SORCS2: variants seen among roughly 807,000 people sequenced by gnomAD.
SORCS2 encodes the protein sortilin related VPS10 domain containing receptor 2, also known as VPS10 domain-containing receptor SorCS2.
In SORCS2, 100 loss-of-function variants were observed where a neutral mutation model predicts 141.6. That is an observed-to-expected ratio of 0.71 (90% CI 0.60 to 0.83). The LOEUF is 0.83. Ranked by LOEUF, SORCS2 falls within the 40% of genes least tolerant of loss-of-function variation. The pLI is 0.00. For missense variants in SORCS2, 1,646 were observed against 1,560.2 expected, an observed-to-expected ratio of 1.05 and a Z score of -0.93; for synonymous variants, 789 against 676.9, an observed-to-expected ratio of 1.17 and a Z score of -2.57.
In SORCS2 at chr4:7,451,548, C is replaced by A. The variant is rs1371265131; in HGVS notation, c.548+55193C>A. Among the ~76,000 whole-genome samples, 6 of 152,386 alleles carry A rather than the reference C, an allele frequency of 3.9e-5. No individual in the cohort carries two copies. In the East Asian group the frequency reaches 1.2e-3, roughly 29 times the overall value. ...GTTCAGTGGTGACATGGGGGACCAG[C>A]CTTCCACACACCTGACATGCCCCCA... On this transcript the variant is annotated intron_variant, in intron 2 of 26. Transcript: ENST00000507866.
intron 1 of SORCS2, among the ~76,000 whole-genome samples, chr4:7,208,483 G>A (rs957896771): frequency 1.3e-5 from 2 of 152,194 alleles, no homozygotes; most frequent in African/African-American, 2.4e-5. Context: ...CTGTGTGCCA[G>A]ACTGTGTGCT....
chr4:7,356,028 T>G (rs1487447285), intron 1 of SORCS2, among the ~76,000 whole-genome samples: 1 of 152,188 alleles, frequency 6.6e-6, no homozygotes, highest in Non-Finnish European at 1.5e-5. Flanking sequence ...CTTTGAGATG[T>G]CCACGCTTGT....
chr4:7,571,753 G>A (rs1715410414), intron 3 of SORCS2, among the ~76,000 whole-genome samples: 2 of 152,184 alleles, frequency 1.3e-5, no homozygotes, highest in South Asian at 4.1e-4. Flanking sequence ...CAAAGCCTCA[G>A]CACCAAGCGA....
At chr4:7,507,032 G>A (rs948216927) in intron 2 of SORCS2, among the ~76,000 whole-genome samples, 1 of 152,236 alleles carries the variant, frequency 6.6e-6, no homozygotes, top group African/African-American at 2.4e-5. Context: ...ACTGTGATCA[G>A]TGGCAGGAGG....
chr4:7,452,200 G>T (rs1460097102), intron 2 of SORCS2, among the ~76,000 whole-genome samples: 5 of 151,984 alleles, frequency 3.3e-5, no homozygotes, highest in Admixed American at 6.5e-5. Flanking sequence ...GAGTGCAGTG[G>T]CACGATCTTG....
At chr4:7,451,732 C>A (rs73796589) in intron 2 of SORCS2, among the ~76,000 whole-genome samples, 5,620 of 152,312 alleles carry the variant, frequency 0.037, 371 homozygotes, top group African/African-American at 0.13. Flanking sequence ...GTGTTCAGAG[C>A]AGGAGTGTGC....
intron 2 of SORCS2, among the ~76,000 whole-genome samples, chr4:7,416,007 T>A (rs1414516745): frequency 1.3e-5 from 2 of 152,148 alleles, no homozygotes; most frequent in African/African-American, 4.8e-5. Context: ...CACAGAGGCA[T>A]GTAGCAGCCT....
intron 3 of SORCS2, among the ~76,000 whole-genome samples, chr4:7,563,309 T>A (rs1160566150): frequency 2.0e-5 from 3 of 152,162 alleles, no homozygotes; most frequent in Non-Finnish European, 4.4e-5. Flanking sequence ...GTGTAGCAGA[T>A]AACATCACCA....
intron 1 of SORCS2, among the ~76,000 whole-genome samples, chr4:7,364,910 C>T (rs190544164): frequency 1.4e-4 from 22 of 152,310 alleles, no homozygotes; most frequent in African/African-American, 4.1e-4. Context: ...GCTAGCCTAC[C>T]GGGGTTCAGG....
rs1207470189 is a variant in SORCS2, at chr4:7,454,824, G to A, written c.548+58469G>A. On this transcript the variant is annotated intron_variant, in intron 2 of 26. Transcript: ENST00000507866. ...GTGTTGGGGTCAGGCACTGTGTTGG[G>A]GTCTGGTGCTGTGTGTTGGGGTCAG... Among the ~76,000 whole-genome samples, 5 of 138,606 alleles carry A rather than the reference G, an allele frequency of 3.6e-5. 1 individual carries two copies. The highest frequency in any genetic ancestry group is 1.4e-4 in the African/African-American group (5 of 36,340). 90.9% of individuals were successfully genotyped at this position (138,606 alleles called of 152,430 possible). A position where few individuals can be genotyped will look rare whatever the true frequency, so the allele number is the denominator to read the frequency against.
chr4:7,323,006 G>T (rs1449343110), intron 1 of SORCS2, among the ~76,000 whole-genome samples: 3 of 152,028 alleles, frequency 2.0e-5, no homozygotes, highest in Non-Finnish European at 2.9e-5. Context: ...AGTAGCTCTA[G>T]TTCCCAGTTC....
chr4:7,731,009 C>T (rs34113441), intron 23 of SORCS2, among the ~76,000 whole-genome samples: 5,413 of 152,318 alleles, frequency 0.036, 144 homozygotes, highest in Non-Finnish European at 0.056. Flanking sequence ...AGCATGCCCA[C>T]GTGGTGCCAC....
At chr4:7,379,152 C>T (rs1445785823) in intron 1 of SORCS2, among the ~76,000 whole-genome samples, 2 of 152,180 alleles carry the variant, frequency 1.3e-5, no homozygotes, top group Admixed American at 1.3e-4. Flanking sequence ...GAGGGAGGCA[C>T]ATCCGAGTAT....
intron 1 of SORCS2, among the ~76,000 whole-genome samples, chr4:7,227,487 T>C (rs1729058282): frequency 6.6e-6 from 1 of 152,134 alleles, no homozygotes. Flanking sequence ...AGCCTGCAGG[T>C]TGTGATCCTG....
At chr4:7,715,097 C>G in intron 16 of SORCS2, 86 bp from the exon 17 acceptor site, 1 of 1,567,414 alleles carries the variant, frequency 6.4e-7, no homozygotes, top group Non-Finnish European at 8.7e-7. Context: ...GTTCCCTTCT[C>G]AGCTCCCCCA....
chr4:7,411,390 C>T (rs1725296719), intron 2 of SORCS2, among the ~76,000 whole-genome samples: 1 of 152,016 alleles, frequency 6.6e-6, no homozygotes, highest in African/African-American at 2.4e-5. Flanking sequence ...CTGCCTTTTT[C>T]CTTCCCTTGC....
intron 11 of SORCS2, among the ~76,000 whole-genome samples, chr4:7,693,690 T>A (rs1724403042): frequency 6.6e-6 from 1 of 152,220 alleles, no homozygotes; most frequent in Non-Finnish European, 1.5e-5. Flanking sequence ...GAGGGGGCCG[T>A]TTGGGAGCTG....
chr4:7,741,502 T>TC lies in SORCS2; in HGVS notation c.*1240dup, dbSNP rs1445772852. ...TGGGAAGTCAGTAGCCCCTTCCTCC[T>TC]CCTCCCTCCTCCCCCTCCTCTCTGG... On this transcript the variant is annotated 3_prime_UTR_variant, in exon 27 of 27. Transcript: ENST00000507866. 13 of 350,418 alleles carry TC rather than the reference T, an allele frequency of 3.7e-5. No homozygotes were observed. In the East Asian group the frequency reaches 5.7e-4, roughly 15 times the overall value. 21.7% of individuals were successfully genotyped at this position (350,418 alleles called of 1,614,324 possible).
chr4:7,711,508 G>A (rs571233580), intron 14 of SORCS2, among the ~76,000 whole-genome samples: 82 of 152,292 alleles, frequency 5.4e-4, no homozygotes, highest in Middle Eastern at 3.4e-3. Context: ...AGCACCACAA[G>A]CTGGACTGGA....
Sources: allele counts gnomAD v4.1 joint callset (sites outside exome capture counted in the v4.1 genomes callset), GRCh38; gene constraint gnomAD v4.1.1; transcripts MANE v1.5; gene names NCBI Gene and HGNC (gene_info 2026-07-23, HGNC 2026-07-21).